SLC30A8: variants seen among roughly 807,000 people sequenced by gnomAD.
The protein encoded by SLC30A8 is proton-coupled zinc antiporter SLC30A8.
A neutral mutation model predicts 36.9 loss-of-function variants in SLC30A8; 27 were observed. The ratio of observed to expected loss-of-function variants is 0.73; its 90% CI spans 0.54 to 1.01. The LOEUF (loss-of-function observed/expected upper bound fraction) is 1.01, where lower values mean the gene tolerates loss of function less well. Among genes scored for constraint, SLC30A8 ranks in the 50% least tolerant of loss-of-function variants. SLC30A8 has a pLI of 0.00. For missense variants in SLC30A8, 439 were observed against 452.0 expected (o/e 0.97, Z 0.26); for synonymous variants, 164 against 172.4 (o/e 0.95, Z 0.38).
At chr8:117,111,455 A>G (rs1314651415) in intron 2 of SLC30A8, among the ~76,000 whole-genome samples, 2 of 152,074 alleles carry the variant, frequency 1.3e-5, no homozygotes, top group Non-Finnish European at 2.9e-5. Flanking sequence ...CCTTTGGGTC[A>G]CTATGTTTTC....
chr8:117,160,934 T>C (rs1203562814), intron 4 of SLC30A8, among the ~76,000 whole-genome samples: 1 of 152,220 alleles, frequency 6.6e-6, no homozygotes, highest in South Asian at 2.1e-4. Flanking sequence ...TTAGAAAAAG[T>C]TCAGAAAGGC....
At chr8:117,015,888 T>TTCAGAACAATTA (rs1162960074) in intron 1 of SLC30A8, among the ~76,000 whole-genome samples, 2 of 152,192 alleles carry the variant, frequency 1.3e-5, no homozygotes, top group Non-Finnish European at 2.9e-5. Flanking sequence ...CACAGGGTCA[T>TTCAGAACAATTA]TTATTGAACA....
At chr8:116,981,592 A>G (rs771707519) in intron 1 of SLC30A8, among the ~76,000 whole-genome samples, 2 of 149,914 alleles carry the variant, frequency 1.3e-5, no homozygotes, top group Admixed American at 6.7e-5. Flanking sequence ...AGCAGGTCCT[A>G]GTATCTGTTG....
chr8:117,162,087 G>C (rs898109348), intron 5 of SLC30A8, among the ~76,000 whole-genome samples, 199 bp downstream of exon 5: 2 of 152,140 alleles, frequency 1.3e-5, no homozygotes, highest in Admixed American at 1.3e-4. Flanking sequence ...CAGGTTCTTG[G>C]ATTATAAGCA....
At chr8:116,995,451 C>T (rs988289131) in intron 1 of SLC30A8, among the ~76,000 whole-genome samples, 1 of 152,080 alleles carries the variant, frequency 6.6e-6, no homozygotes, top group Non-Finnish European at 1.5e-5. Context: ...TCTCCACTGG[C>T]AGTACCCAGC....
chr8:117,102,014 TA>T (rs1819745821), intron 2 of SLC30A8, among the ~76,000 whole-genome samples: 1 of 152,076 alleles, frequency 6.6e-6, no homozygotes, highest in Admixed American at 6.6e-5. Flanking sequence ...ACAGACTTCC[TA>T]TATGAAGTTC....
chr8:117,134,724 G>A (rs984837871), upstream of SLC30A8: 1 of 152,010 alleles, frequency 6.6e-6, no homozygotes, highest in African/African-American at 2.4e-5. Context: ...ACTGTTTTCA[G>A]ATTACTGGTT....
chr8:117,120,342 G>C (rs944231188), intron 2 of SLC30A8, among the ~76,000 whole-genome samples: 3 of 151,796 alleles, frequency 2.0e-5, no homozygotes, highest in Non-Finnish European at 4.4e-5. Flanking sequence ...TCTTTGACAA[G>C]GTTGCCAAAA....
chr8:117,047,829 CT>C (rs1156584083), intron 2 of SLC30A8, among the ~76,000 whole-genome samples: 1 of 152,130 alleles, frequency 6.6e-6, no homozygotes, highest in Non-Finnish European at 1.5e-5. Context: ...GATAAAACAG[CT>C]TGCAGTAAAG....
At chr8:117,119,442 A>C (rs569549034) in intron 2 of SLC30A8, among the ~76,000 whole-genome samples, 1 of 151,926 alleles carries the variant, frequency 6.6e-6, no homozygotes, top group African/African-American at 2.4e-5. Flanking sequence ...TGCTGAAGTA[A>C]CCTCCCTATT....
At chr8:117,080,784 CT>C (rs1221669471) in intron 2 of SLC30A8, among the ~76,000 whole-genome samples, 2 of 152,120 alleles carry the variant, frequency 1.3e-5, no homozygotes, top group African/African-American at 4.8e-5. Context: ...GTGAATAGTG[CT>C]GCAATGAACA....
chr8:116,987,430 T>TATA (rs5894358), intron 1 of SLC30A8, among the ~76,000 whole-genome samples: 2 of 150,988 alleles, frequency 1.3e-5, no homozygotes, highest in African/African-American at 4.9e-5. Flanking sequence ...ACCCTAAAAG[T>TATA]ATAATAAAAT....
At chr8:117,033,892 T>G (rs1817130459) in intron 1 of SLC30A8, among the ~76,000 whole-genome samples, 1 of 152,190 alleles carries the variant, frequency 6.6e-6, no homozygotes. Flanking sequence ...ATTACTGAAC[T>G]GCAAGGTAAT....
intron 2 of SLC30A8, among the ~76,000 whole-genome samples, chr8:117,148,130 A>G (rs1292244155): frequency 1.3e-5 from 2 of 151,942 alleles, no homozygotes; most frequent in African/African-American, 4.8e-5. Flanking sequence ...ACTGTTTTAA[A>G]CTTTTCATTT....
At chr8:116,983,679 AT>A (rs1815349170) in intron 1 of SLC30A8, among the ~76,000 whole-genome samples, 1 of 151,892 alleles carries the variant, frequency 6.6e-6, no homozygotes, top group African/African-American at 2.4e-5. Context: ...TTCTTAATAT[AT>A]TTTTGGTCTT....
chr8:116,976,457 C>T (rs1439867718), intron 1 of SLC30A8, among the ~76,000 whole-genome samples: 1 of 152,122 alleles, frequency 6.6e-6, no homozygotes, highest in Non-Finnish European at 1.5e-5. Context: ...GTTGTATTCC[C>T]CAAGAAACTA....
At position 117,124,335 on chromosome 8, in the gene SLC30A8, T is replaced by C. The variant is rs1032354716; in HGVS notation, c.-225-10945T>C. Among the ~76,000 whole-genome samples, 16 of 151,908 alleles carry C rather than the reference T, an allele frequency of 1.1e-4. No homozygotes were observed. In the East Asian group the frequency reaches 2.7e-3, roughly 26 times the overall value. ...GCTGCACAAACAAATGAGCAACAGATCTCAGATGCTCACAGCTACAAAGAT... is the reference window on the plus strand; with the variant it reads ...GCTGCACAAACAAATGAGCAACAGACCTCAGATGCTCACAGCTACAAAGAT... On this transcript the variant is annotated intron_variant, in intron 2 of 10. Coordinates refer to the SLC30A8 transcript ENST00000427715.
intron 1 of SLC30A8, among the ~76,000 whole-genome samples, chr8:117,144,682 A>C (rs1173578409): frequency 6.6e-6 from 1 of 152,204 alleles, no homozygotes; most frequent in Non-Finnish European, 1.5e-5. Context: ...AGAAAATATT[A>C]ACAATATTGA....
chr8:117,047,576 A>T (rs563591376), intron 2 of SLC30A8, among the ~76,000 whole-genome samples: 98 of 152,268 alleles, frequency 6.4e-4, no homozygotes, highest in Non-Finnish European at 1.2e-3. Context: ...AAAGGACTAC[A>T]TATAGTCCTT....
Sources: allele counts gnomAD v4.1 joint callset (sites outside exome capture counted in the v4.1 genomes callset), GRCh38; gene constraint gnomAD v4.1.1; transcripts MANE v1.5; gene names NCBI Gene and HGNC (gene_info 2026-07-23, HGNC 2026-07-21).